Variants in DNAH17 observed in about 807,000 individuals in gnomAD.
DNAH17 encodes axonemal beta dynein heavy chain 17.
In DNAH17, 376 loss-of-function variants were observed where a neutral mutation model predicts 485.6. The observed-to-expected ratio is 0.77, with a 90% CI of 0.71 to 0.84. The LOEUF (loss-of-function observed/expected upper bound fraction) is 0.84, where lower values mean the gene tolerates loss of function less well. Ranked by LOEUF, DNAH17 falls within the 40% of genes least tolerant of loss-of-function variation. DNAH17 has a pLI of 0.00. For synonymous variants in DNAH17, 3,031 were observed against 2,405.9 expected (o/e 1.26, Z -7.60); for missense variants, 6,370 against 5,839.3 (o/e 1.09, Z -2.96).
chr17:78,549,008 CAGG>C (rs781407056), intron 16 of DNAH17, among the ~76,000 whole-genome samples: 29 of 152,228 alleles, frequency 1.9e-4, no homozygotes, highest in African/African-American at 2.9e-4. Context: ...GATGGAGACA[CAGG>C]AGGTCAGCTG....
intron 42 of DNAH17, among the ~76,000 whole-genome samples, 186 bp from the exon 43 acceptor site, chr17:78,491,756 G>A (rs896359479): frequency 3.3e-5 from 5 of 152,080 alleles, no homozygotes; most frequent in Admixed American, 2.6e-4. Flanking sequence ...TCCCTCCTAC[G>A]TGCCCTCTCC....
rs2305039 is a variant in DNAH17 at position 78,449,490 on chromosome 17, T to G, written c.11135A>C (p.Tyr3712Ser). Residue 3712 changes from tyrosine to serine, a missense_variant, in exon 69 of 81, where the codon TAC becomes TCC. Coordinates refer to ENST00000389840, the MANE Select transcript of DNAH17 (RefSeq NM_173628.4). ...CCGGGCCGTGTACATGTAGACGGAG[T>G]AGGTGATCTCGTCCGTCAGGTTGAT... The part of the protein sequence containing the change: ...RVINLTDEIT[Y>S]SVYMYTARGL... 65 of 1,574,590 alleles carry G rather than the reference T, an allele frequency of 4.1e-5. No individual in the cohort carries two copies. In the Admixed American group the frequency reaches 1.2e-3, roughly 28 times the overall value.
intron 20 of DNAH17, 106 bp downstream of exon 20, chr17:78,532,376 A>G: frequency 1.4e-6 from 2 of 1,430,702 alleles, no homozygotes; most frequent in African/African-American, 2.9e-5. Context: ...CCCTACCTGG[A>G]AACCTGCATC....
intron 56 of DNAH17, among the ~76,000 whole-genome samples, chr17:78,465,025 C>A (rs893084340): frequency 7.2e-5 from 11 of 152,244 alleles, no homozygotes; most frequent in Non-Finnish European, 1.5e-4. Flanking sequence ...CATCTCGGCT[C>A]GCTGCAGCCT....
In DNAH17 at chr17:78,558,159, A is replaced by G. The variant is rs2092068867; in HGVS notation, c.2127T>C (p.Thr709=). The G allele has an allele frequency of 6.2e-7, 1 of 1,613,854 alleles. No individual in the cohort carries two copies. Reference sequence around the variant, plus strand: ...CCAGGTTGCCCACAAACTTCCGGAAAGTTTCGTTCTCTGAGAACAGACTCT... The same window carrying G: ...CCAGGTTGCCCACAAACTTCCGGAAGGTTTCGTTCTCTGAGAACAGACTCT... ...SAESLFSENE[T]FRKFVGNLEL... is the part of the protein sequence containing the mutation. Residue 709 remains threonine, a synonymous_variant, in exon 14 of 81, where the codon ACT becomes ACC. Coordinates refer to ENST00000389840, the MANE Select transcript of DNAH17 (RefSeq NM_173628.4).
chr17:78,432,502 C>G (rs1429194550), intron 75 of DNAH17, among the ~76,000 whole-genome samples: 1 of 152,240 alleles, frequency 6.6e-6, no homozygotes, highest in Non-Finnish European at 1.5e-5. Context: ...TACTCCAGGG[C>G]TGGTGTGCCT....
intron 54 of DNAH17, among the ~76,000 whole-genome samples, chr17:78,474,207 C>T (rs967542955): frequency 3.3e-5 from 5 of 152,232 alleles, no homozygotes; most frequent in African/African-American, 9.6e-5. Context: ...CTGAGGGCCA[C>T]GTACTGCGGG....
intron 63 of DNAH17, among the ~76,000 whole-genome samples, chr17:78,455,320 G>A (rs566667776): frequency 1.4e-5 from 2 of 142,514 alleles, no homozygotes; most frequent in South Asian, 4.7e-4. Context: ...CGAGTGATGA[G>A]TAGGACTCCA....
At chr17:78,556,424 G>A (rs1388022839) in intron 14 of DNAH17, among the ~76,000 whole-genome samples, 1 of 152,180 alleles carries the variant, frequency 6.6e-6, no homozygotes. Flanking sequence ...AACAGATCCA[G>A]GACTTCTGAC....
At chr17:78,507,909 G>C (rs529484190) in intron 27 of DNAH17, 104 bp from the exon 28 acceptor site, 124 of 1,155,736 alleles carry the variant, frequency 1.1e-4, no homozygotes, top group Non-Finnish European at 1.4e-4. Context: ...TGATCAGAAA[G>C]CAAAAAGGCT....
At chr17:78,551,726 G>A in intron 15 of DNAH17, 88 bp from the exon 16 acceptor site, 1 of 1,269,090 alleles carries the variant, frequency 7.9e-7, no homozygotes, top group Non-Finnish European at 1.1e-6. Flanking sequence ...CCCTTTGGGA[G>A]GTCAGGGCAG....
At position 78,532,697 on chromosome 17, in the gene DNAH17, C is replaced by A. The variant is rs199703055; in HGVS notation, c.2899G>T (p.Glu967Ter). The change falls in exon 20 of 81, where the codon GAG becomes TAG. Residue 967 changes from glutamate (E) to a stop codon, truncating the protein, a stop_gained. Coordinates refer to ENST00000389840, the MANE Select transcript of DNAH17 (RefSeq NM_173628.4). LOFTEE classifies it high-confidence loss of function. ...TTGATGACCAGGCTGGACACCTCCTCCCTCATCTCTATGAGGTCTGTGTTA... is the reference window on the plus strand; with the variant it reads ...TTGATGACCAGGCTGGACACCTCCTACCTCATCTCTATGAGGTCTGTGTTA... ...EDNTDLIEMR[E>*]EVSSLVINAM... 96 of 1,593,438 alleles carry A rather than the reference C, an allele frequency of 6.0e-5. No homozygotes were observed. Among genetic ancestry groups the A allele is most frequent in the Non-Finnish European group, 1.1e-5 (13 of 1,168,916 alleles).
At position 78,478,725 on chromosome 17, in the gene DNAH17, TCATCACCACCATCATCAC is replaced by T. The variant is rs1309994413; in HGVS notation, c.7992+282_7992+299del. On this transcript the variant is annotated intron_variant, in intron 51 of 80. Transcript: ENST00000389840. ...ATTACCATCACCACCACTATTGCCATCATCACCACCATCATCACCATCACCACCATCACTATCATCATC... is the reference window on the plus strand; with the variant it reads ...ATTACCATCACCACCACTATTGCCATCATCACCACCATCACTATCATCATC... Among the ~76,000 whole-genome samples the T allele has an allele frequency of 4.0e-4, 59 of 147,562 alleles. No homozygotes were observed. In the East Asian group the frequency reaches 8.2e-3, roughly 21 times the overall value.
intron 22 of DNAH17, 97 bp from the exon 23 acceptor site, chr17:78,527,093 C>T: frequency 3.7e-6 from 4 of 1,088,000 alleles, no homozygotes; most frequent in Non-Finnish European, 5.2e-6. Flanking sequence ...GCTGCAAAAA[C>T]AGTGCAGGGG....
rs1420258932 is a variant in DNAH17 at position 78,480,734 on chromosome 17, C to T, written c.7702G>A (p.Ala2568Thr). The change falls in exon 49 of 81, where the codon GCC becomes ACC. Residue 2568 changes from alanine (A) to threonine (T), a missense_variant. By Grantham distance (58) the Ala-to-Thr change is moderately conservative. Transcript: ENST00000389840. ...GATCCGGAAGTGGGGTTCATGCAGG[C>T]CACGTACTGACAATTATGGATATCT... The part of the protein sequence containing the change: ...LKDIHNCQYV[A>T]CMNPTSGSFT... 6.2e-7 allele frequency: 1 copy of T among 1,613,238 alleles called. No homozygotes were observed. The highest frequency in any genetic ancestry group is 8.5e-7 in the Non-Finnish European group (1 of 1,179,848).
chr17:78,555,871 C>T (rs1410382638), intron 14 of DNAH17, among the ~76,000 whole-genome samples: 1 of 152,218 alleles, frequency 6.6e-6, no homozygotes, highest in Non-Finnish European at 1.5e-5. Context: ...CTTGTTTCTG[C>T]CTCATGGCCT....
At chr17:78,564,668 CCCTT>C (rs1295549385) in intron 11 of DNAH17, among the ~76,000 whole-genome samples, 4 of 152,148 alleles carry the variant, frequency 2.6e-5, no homozygotes, top group Non-Finnish European at 5.9e-5. Context: ...CAACCAGCCT[CCCTT>C]GTCAAGAGCC....
intron 11 of DNAH17, among the ~76,000 whole-genome samples, chr17:78,562,978 C>T (rs960895238): frequency 6.6e-6 from 1 of 152,186 alleles, no homozygotes; most frequent in Admixed American, 6.5e-5. Flanking sequence ...GGGGCCAGAC[C>T]AGCTGCGGTG....
In DNAH17 at chr17:78,451,546, C is replaced by A; in HGVS notation, c.10657G>T (p.Val3553Phe). Residue 3553 changes from valine (V) to phenylalanine (F), a missense_variant, in exon 66 of 81, where the codon GTC becomes TTC. Transcript: ENST00000389840. ...TGGTCCTCGAGTCCATCCCTGGTGA[C>A]CAGGAAGTTGATGAGGGTGCACTGA... Reference protein sequence around the residue: ...QAQCTLINFLVTRDGLEDQLL... With the variant: ...QAQCTLINFLFTRDGLEDQLL... 1.9e-6 allele frequency: 3 copies of A among 1,613,810 alleles called. No individual in the cohort carries two copies. The highest frequency in any genetic ancestry group is 2.2e-5 in the East Asian group (1 of 44,840).
Sources: gnomAD v4.1 joint callset for allele counts (sites outside exome capture counted in the v4.1 genomes callset) on GRCh38, gnomAD v4.1.1 for gene constraint, MANE v1.5 for transcripts, NCBI Gene and HGNC (gene_info 2026-07-23, HGNC 2026-07-21) for gene names.